ABHD17C: variants seen among roughly 807,000 people sequenced by gnomAD.
ABHD17C encodes the protein alpha/beta hydrolase domain-containing protein 17C.
A neutral mutation model predicts 27.9 loss-of-function variants in ABHD17C; 11 were observed. The ratio of observed to expected loss-of-function variants is 0.39; its 90% CI spans 0.25 to 0.65. The LOEUF (loss-of-function observed/expected upper bound fraction) is 0.65. ABHD17C is among the 30% of genes least tolerant of loss of function. ABHD17C has a pLI of 0.45. For synonymous variants in ABHD17C, 233 were observed against 209.1 expected (o/e 1.11, Z -0.98); for missense variants, 280 against 470.2 (o/e 0.60, Z 3.74).
At chr15:80,743,264 C>T (rs1035886404) in intron 1 of ABHD17C, among the ~76,000 whole-genome samples, 1 of 152,190 alleles carries the variant, frequency 6.6e-6, no homozygotes. Context: ...GGCAAATGGG[C>T]AGGGGAAGGA....
At chr15:80,737,076 T>A (rs1434793460) in intron 1 of ABHD17C, among the ~76,000 whole-genome samples, 1 of 152,070 alleles carries the variant, frequency 6.6e-6, no homozygotes, top group Non-Finnish European at 1.5e-5. Context: ...TTCGTGCTGA[T>A]CAACCTGTAC....
chr15:80,744,573 G>A (rs1391692584), intron 1 of ABHD17C, among the ~76,000 whole-genome samples: 6 of 152,310 alleles, frequency 3.9e-5, no homozygotes, highest in South Asian at 4.1e-4. Context: ...AAATCTGAGC[G>A]TTTGACTTAG....
intron 1 of ABHD17C, among the ~76,000 whole-genome samples, chr15:80,742,908 A>C (rs1895229160): frequency 6.7e-6 from 1 of 149,652 alleles, no homozygotes; most frequent in Non-Finnish European, 1.5e-5. Context: ...AGAAGTGAGA[A>C]AAAGTGGTTG....
At chr15:80,740,137 A>T (rs1895189195) in intron 1 of ABHD17C, among the ~76,000 whole-genome samples, 1 of 152,072 alleles carries the variant, frequency 6.6e-6, no homozygotes, top group Non-Finnish European at 1.5e-5. Flanking sequence ...TAATCCTGCC[A>T]CCTGCTCAGA....
At chr15:80,745,242 T>C (rs1038600802) in intron 1 of ABHD17C, among the ~76,000 whole-genome samples, 9 of 152,328 alleles carry the variant, frequency 5.9e-5, no homozygotes, top group East Asian at 1.9e-4. Flanking sequence ...ATCCTAACTT[T>C]AGTGATTCAC....
At chr15:80,726,202 C>T (rs7174222) in intron 1 of ABHD17C, among the ~76,000 whole-genome samples, 50,641 of 152,114 alleles carry the variant, frequency 0.33, 10,319 homozygotes, top group Non-Finnish European at 0.47. Context: ...TGCCTTCAAG[C>T]GGTTTTCCAC....
At chr15:80,729,726 C>A (rs950577940) in intron 1 of ABHD17C, among the ~76,000 whole-genome samples, 12 of 152,182 alleles carry the variant, frequency 7.9e-5, no homozygotes, top group Non-Finnish European at 1.3e-4. Flanking sequence ...AGGAAAGGAA[C>A]TTGCACGTTT....
chr15:80,704,168 G>A (rs1894611071), intron 1 of ABHD17C, among the ~76,000 whole-genome samples: 1 of 152,168 alleles, frequency 6.6e-6, no homozygotes, highest in Admixed American at 6.5e-5. Context: ...CATATGAAGG[G>A]GTAGTGGTTG....
intron 1 of ABHD17C, among the ~76,000 whole-genome samples, chr15:80,742,814 C>G (rs536025356): frequency 1.4e-4 from 21 of 152,040 alleles, no homozygotes; most frequent in Non-Finnish European, 2.6e-4. Flanking sequence ...AGAGTGACTC[C>G]GGGTCTCAGA....
At position 80,754,135 on chromosome 15, in the gene ABHD17C, C is replaced by T. The variant is rs57335739; in HGVS notation, c.771-16C>T. The T allele has an allele frequency of 5.6e-3, 8,983 of 1,601,256 alleles. 447 individuals carry two copies. The African/African-American group carries it at 0.11, about 19-fold the overall frequency. On this transcript the variant is annotated splice_polypyrimidine_tract_variant and intron_variant, in intron 2 of 2. Transcript: ENST00000258884. Reference sequence around the variant, plus strand: ...AATGGAGTCCTCTTTCTGCCTCCCCCCTTTCTGTTTTGCAGCATTGACAAG... The same window carrying T: ...AATGGAGTCCTCTTTCTGCCTCCCCTCTTTCTGTTTTGCAGCATTGACAAG...
intron 1 of ABHD17C, among the ~76,000 whole-genome samples, chr15:80,736,680 C>G (rs1895134634): frequency 6.6e-6 from 1 of 152,068 alleles, no homozygotes; most frequent in Non-Finnish European, 1.5e-5. Context: ...AATTCTAACT[C>G]TGAAATATTT....
intron 2 of ABHD17C, 120 bp from the exon 3 acceptor site, chr15:80,754,031 A>C (rs1211610469): frequency 1.2e-6 from 1 of 814,580 alleles, no homozygotes; most frequent in East Asian, 2.7e-5. Context: ...AACAAAAAAA[A>C]CCCACGGTGT....
chr15:80,736,949 G>A (rs1320544674), intron 1 of ABHD17C, among the ~76,000 whole-genome samples: 1 of 152,194 alleles, frequency 6.6e-6, no homozygotes, highest in East Asian at 1.9e-4. Flanking sequence ...TCCATTGCAG[G>A]AACTTCCTGC....
chr15:80,754,247 G>A lies in ABHD17C; in HGVS notation c.867G>A (p.Glu289=), dbSNP rs766030089. Residue 289 remains glutamate (E), a synonymous_variant, in exon 3 of 3, where the codon GAG becomes GAA. Coordinates refer to ENST00000258884, the MANE Select transcript of ABHD17C (RefSeq NM_021214.2). ...TCTCCCATGGCCTAGCGATGTACGA[G>A]CGCTGTCCCCGAGCCGTGGAGCCCC... The part of the protein sequence containing the change: ...IDFSHGLAMY[E]RCPRAVEPLW... The A allele has an allele frequency of 1.9e-6, 3 of 1,613,958 alleles. No individual in the cohort carries two copies. The highest frequency in any genetic ancestry group is 1.1e-5 in the South Asian group (1 of 91,082).
At chr15:80,737,697 G>C (rs1462753991) in intron 1 of ABHD17C, among the ~76,000 whole-genome samples, 1 of 152,190 alleles carries the variant, frequency 6.6e-6, no homozygotes, top group Non-Finnish European at 1.5e-5. Context: ...GAGGAGTCAA[G>C]AAATGTGAAA....
At chr15:80,716,070 A>G (rs967705848) in intron 1 of ABHD17C, among the ~76,000 whole-genome samples, 6 of 152,166 alleles carry the variant, frequency 3.9e-5, no homozygotes, top group African/African-American at 1.4e-4. Context: ...AGTTTTTCCT[A>G]CTGACTTGCA....
intron 2 of ABHD17C, among the ~76,000 whole-genome samples, chr15:80,751,683 CTT>C (rs1895368538): frequency 6.6e-6 from 1 of 152,300 alleles, no homozygotes; most frequent in Admixed American, 6.5e-5. Context: ...AGCTTTATCT[CTT>C]TGAGGTGGCA....
At position 80,704,968 on chromosome 15, in the gene ABHD17C, C is replaced by G. The variant is rs557164216; in HGVS notation, c.590+8949C>G. 5 of 152,364 alleles carry G rather than the reference C, an allele frequency of 3.3e-5. No individual in the cohort carries two copies. In the East Asian group the frequency reaches 9.7e-4, roughly 29 times the overall value. The allele number at this position is 152,364 out of a possible 1,614,324, so 9.4% of individuals were successfully genotyped here. The stretch of plus-strand genomic sequence containing the variant: ...TTCCCTTTTGTTGACTCTGCTGTCT[C>G]CTGTCCTGCAGCTGACACACCATCC... On this transcript the variant is annotated intron_variant, in intron 1 of 2. Coordinates refer to ENST00000258884, the MANE Select transcript of ABHD17C (RefSeq NM_021214.2).
chr15:80,735,203 T>G (rs2141513906), intron 1 of ABHD17C, among the ~76,000 whole-genome samples: 1 of 152,356 alleles, frequency 6.6e-6, no homozygotes, highest in African/African-American at 2.4e-5. Context: ...CCTGAGAGGT[T>G]AACCTTTTAT....
Sources: allele counts gnomAD v4.1 joint callset (sites outside exome capture counted in the v4.1 genomes callset), GRCh38; gene constraint gnomAD v4.1.1; transcripts MANE v1.5; gene names NCBI Gene and HGNC (gene_info 2026-07-23, HGNC 2026-07-21).